Variants in H1-4 observed in about 807,000 individuals in gnomAD.
H1-4 encodes H1.4 linker histone, cluster member.
H1-4 carries 9 observed loss-of-function variants against 7.2 expected under a neutral mutation model. The ratio of observed to expected loss-of-function variants is 1.25; its 90% CI spans 0.75 to 2.18. The LOEUF is 2.18. Ranked by LOEUF, H1-4 falls within the 30% of genes most tolerant of loss-of-function variation. The probability of loss-of-function intolerance (pLI) is 0.00; values close to 1 mark genes in which losing one functional copy is unlikely to be tolerated. For missense variants in H1-4, 646 were observed against 287.9 expected (o/e 2.24, Z -9.00); for synonymous variants, 318 against 126.6 (o/e 2.51, Z -10.15).
rs765164128 is a variant in H1-4 at position 26,156,417 on chromosome 6, C to G, written c.27C>G (p.Pro9=). 2 of 1,591,516 alleles carry G rather than the reference C, an allele frequency of 1.3e-6. No individual in the cohort carries two copies. Among genetic ancestry groups the G allele is most frequent in the Non-Finnish European group, 8.6e-7 (1 of 1,168,576 alleles). The change falls in exon 1 of 1, where the codon CCC becomes CCG. Residue 9 remains proline, a synonymous_variant. Coordinates refer to ENST00000304218, the MANE Select transcript of H1-4 (RefSeq NM_005321.3). ...TGTCCGAGACTGCGCCTGCCGCGCC[C>G]GCTGCTCCGGCCCCTGCCGAGAAGA... The part of the protein sequence containing the change: MSETAPAA[P]AAPAPAEKTP...
At position 26,156,438 on chromosome 6, in the gene H1-4, G is replaced by C; in HGVS notation, c.48G>C (p.Glu16Asp). 1.2e-6 allele frequency: 2 copies of C among 1,608,686 alleles called. No homozygotes were observed. The highest frequency in any genetic ancestry group is 1.7e-4 in the Middle Eastern group (1 of 6,006). ...CGCCCGCTGCTCCGGCCCCTGCCGAGAAGACTCCCGTGAAGAAGAAGGCCC... is the reference window on the plus strand; with the variant it reads ...CGCCCGCTGCTCCGGCCCCTGCCGACAAGACTCCCGTGAAGAAGAAGGCCC... Reference protein sequence around the residue: ...PAAPAAPAPAEKTPVKKKARK... With the variant: ...PAAPAAPAPADKTPVKKKARK... Residue 16 changes from glutamate (E) to aspartate (D), a missense_variant, in exon 1 of 1, where the codon GAG becomes GAC. Glu to Asp is a conservative substitution (Grantham distance 45). Coordinates refer to ENST00000304218, the MANE Select transcript of H1-4 (RefSeq NM_005321.3).
Position 26,156,991 on chromosome 6 carries a change from C to T in H1-4, c.601C>T (p.Pro201Ser). ...AGCAGTTAAACCCAAGGCGGCTAAACCAAAGACCGCCAAGCCCAAGGCAGC... is the reference window on the plus strand; with the variant it reads ...AGCAGTTAAACCCAAGGCGGCTAAATCAAAGACCGCCAAGCCCAAGGCAGC... ...AKAVKPKAAK[P>S]KTAKPKAAKP... The change falls in exon 1 of 1, where the codon CCA (proline) becomes TCA (serine). Residue 201 changes from proline (P) to serine (S), a missense_variant. Physicochemically the swap from Pro to Ser is moderately conservative, Grantham distance 74 (BLOSUM62 -1). Coordinates refer to ENST00000304218, the MANE Select transcript of H1-4 (RefSeq NM_005321.3). 6 of 1,604,416 alleles carry T rather than the reference C, an allele frequency of 3.7e-6. No individual in the cohort carries two copies. Among genetic ancestry groups the T allele is most frequent in the Non-Finnish European group, 5.1e-6 (6 of 1,177,806 alleles).
Position 26,157,099 on chromosome 6 carries a change from C to T in H1-4, c.*49C>T. 6.5e-7 allele frequency: 1 copy of T among 1,548,020 alleles called. No homozygotes were observed. The highest frequency in any genetic ancestry group is 1.3e-5 in the South Asian group (1 of 79,334). The stretch of plus-strand genomic sequence containing the variant: ...AGAAGCCCAACACAACCCAAAGGCT[C>T]TTTTCAGAGCCACCCACCGCTCTCA... On this transcript the variant is annotated 3_prime_UTR_variant, in exon 1 of 1. Coordinates refer to ENST00000304218, the MANE Select transcript of H1-4 (RefSeq NM_005321.3).
chr6:26,156,457 A>G lies in H1-4; in HGVS notation c.67A>G (p.Lys23Glu), dbSNP rs745358897. 24 of 1,612,090 alleles carry G rather than the reference A, an allele frequency of 1.5e-5. No individual in the cohort carries two copies. The highest frequency in any genetic ancestry group is 2.2e-5 in the East Asian group (1 of 44,840). Residue 23 changes from lysine to glutamate, a missense_variant, in exon 1 of 1, where the codon AAG becomes GAG. By Grantham distance (56) the Lys-to-Glu change is moderately conservative. Coordinates refer to ENST00000304218, the MANE Select transcript of H1-4 (RefSeq NM_005321.3). ...APAEKTPVKK[K>E]ARKSAGAAKR... ...TGCCGAGAAGACTCCCGTGAAGAAGAAGGCCCGCAAGTCTGCAGGTGCGGC... is the reference window on the plus strand; with the variant it reads ...TGCCGAGAAGACTCCCGTGAAGAAGGAGGCCCGCAAGTCTGCAGGTGCGGC...
chr6:26,156,746 A>G lies in H1-4; in HGVS notation c.356A>G (p.Lys119Arg). ...KKAASGEAKP[K>R]AKKAGAAKAK... Reference sequence around the variant, plus strand: ...GCGGCCTCTGGGGAAGCCAAGCCTAAGGCTAAAAAGGCAGGCGCGGCCAAG... The same window carrying G: ...GCGGCCTCTGGGGAAGCCAAGCCTAGGGCTAAAAAGGCAGGCGCGGCCAAG... Residue 119 changes from lysine to arginine, a missense_variant, in exon 1 of 1, where the codon AAG (lysine) becomes AGG (arginine). Lys to Arg is a conservative substitution (Grantham distance 26). Coordinates refer to ENST00000304218, the MANE Select transcript of H1-4 (RefSeq NM_005321.3). 6.2e-7 allele frequency: 1 copy of G among 1,613,976 alleles called. No individual in the cohort carries two copies. Among genetic ancestry groups the G allele is most frequent in the Non-Finnish European group, 8.5e-7 (1 of 1,179,948 alleles).
At position 26,156,969 on chromosome 6, in the gene H1-4, A is replaced by C; in HGVS notation, c.579A>C (p.Ala193=). 7 of 1,612,046 alleles carry C rather than the reference A, an allele frequency of 4.3e-6. No individual in the cohort carries two copies. Among genetic ancestry groups the C allele is most frequent in the Non-Finnish European group, 5.9e-6 (7 of 1,179,778 alleles). ...CCAAGAGCCCAGCGAAGGCCAAAGC[A>C]GTTAAACCCAAGGCGGCTAAACCAA... ...KAPKSPAKAK[A]VKPKAAKPKT... The change falls in exon 1 of 1, where the codon GCA becomes GCC. Residue 193 remains alanine (A), a synonymous_variant. Transcript: ENST00000304218.
chr6:26,157,019 A>G lies in H1-4; in HGVS notation c.629A>G (p.Lys210Arg). 3.8e-6 allele frequency: 6 copies of G among 1,585,090 alleles called. No homozygotes were observed. The highest frequency in any genetic ancestry group is 2.2e-5 in the East Asian group (1 of 44,806). ...KPKTAKPKAA[K>R]PKKAAAKKK ...AAGACCGCCAAGCCCAAGGCAGCCA[A>G]GCCAAAGAAGGCGGCAGCCAAGAAA... The change falls in exon 1 of 1, where the codon AAG (lysine) becomes AGG (arginine). Residue 210 changes from lysine (K) to arginine (R), a missense_variant. Transcript: ENST00000304218.
rs1332633285 is a variant in H1-4 at position 26,156,697 on chromosome 6, G to A, written c.307G>A (p.Gly103Ser). The stretch of plus-strand genomic sequence containing the variant: ...GCAGACCAAGGGCACCGGCGCGTCG[G>A]GTTCCTTCAAACTCAACAAGAAGGC... The part of the protein sequence containing the change: ...LVQTKGTGAS[G>S]SFKLNKKAAS... The change falls in exon 1 of 1, where the codon GGT (glycine) becomes AGT (serine). Residue 103 changes from glycine (G) to serine (S), a missense_variant. Physicochemically the swap from Gly to Ser is moderately conservative, Grantham distance 56. Transcript: ENST00000304218. The A allele has an allele frequency of 6.2e-7, 1 of 1,614,118 alleles. No homozygotes were observed. Among genetic ancestry groups the A allele is most frequent in the Non-Finnish European group, 8.5e-7 (1 of 1,180,050 alleles).
In H1-4 at chr6:26,156,378, G is replaced by T. The variant is rs374382666; in HGVS notation, c.-13G>T. ...TCCGGCTCGAATTGCTCTCGCTCAC[G>T]CTTGCCTTCAACATGTCCGAGACTG... On this transcript the variant is annotated 5_prime_UTR_variant, in exon 1 of 1. Transcript: ENST00000304218. The T allele has an allele frequency of 2.6e-6, 4 of 1,545,570 alleles. No individual in the cohort carries two copies. Among genetic ancestry groups the T allele is most frequent in the East Asian group, 2.3e-5 (1 of 44,246 alleles).
Position 26,157,074 on chromosome 6 carries a change from A to AG in H1-4, c.*25dup. 6.4e-7 allele frequency: 1 copy of AG among 1,572,330 alleles called. No individual in the cohort carries two copies. The highest frequency in any genetic ancestry group is 8.6e-7 in the Non-Finnish European group (1 of 1,168,508). On this transcript the variant is annotated 3_prime_UTR_variant, in exon 1 of 1. Transcript: ENST00000304218. ...AGAAAGTTCCTTTGGCCAACTGCTTAGAAGCCCAACACAACCCAAAGGCTC... is the reference window on the plus strand; with the variant it reads ...AGAAAGTTCCTTTGGCCAACTGCTTAGGAAGCCCAACACAACCCAAAGGCTC...
chr6:26,156,887 G>C lies in H1-4; in HGVS notation c.497G>C (p.Gly166Ala), dbSNP rs140003217. 2.3e-5 allele frequency: 37 copies of C among 1,609,254 alleles called. No individual in the cohort carries two copies. Among genetic ancestry groups the C allele is most frequent in the Non-Finnish European group, 2.5e-5 (30 of 1,178,520 alleles). ...GCGAAGAAGCCGGCTGCAGCTGCTG[G>C]AGCCAAAAAAGCGAAAAGCCCGAAA... ...KKAKKPAAAA[G>A]AKKAKSPKKA... is the part of the protein sequence containing the mutation. Residue 166 changes from glycine (G) to alanine (A), a missense_variant, in exon 1 of 1, where the codon GGA becomes GCA. Coordinates refer to ENST00000304218, the MANE Select transcript of H1-4 (RefSeq NM_005321.3).
chr6:26,156,933 A>C lies in H1-4; in HGVS notation c.543A>C (p.Pro181=), dbSNP rs778470167. ...CGAAAAAGGCGAAAGCAGCCAAGCC[A>C]AAAAAGGCGCCCAAGAGCCCAGCGA... ...KSPKKAKAAK[P]KKAPKSPAKA... The change falls in exon 1 of 1, where the codon CCA becomes CCC. Residue 181 remains proline, a synonymous_variant. Transcript: ENST00000304218. 5.0e-6 allele frequency: 8 copies of C among 1,611,340 alleles called. No homozygotes were observed. Among genetic ancestry groups the C allele is most frequent in the South Asian group, 3.3e-5 (3 of 90,920 alleles).
Position 26,156,500 on chromosome 6 carries a change from G to A in H1-4, c.110G>A (p.Gly37Glu), listed in dbSNP as rs1764173360. The A allele has an allele frequency of 1.9e-6, 3 of 1,613,578 alleles. No individual in the cohort carries two copies. Among genetic ancestry groups the A allele is most frequent in the Non-Finnish European group, 1.7e-6 (2 of 1,179,976 alleles). ...GGTGCGGCCAAGCGCAAAGCGTCTG[G>A]GCCCCCGGTGTCCGAGCTCATTACT... ...SAGAAKRKAS[G>E]PPVSELITKA... is the part of the protein sequence containing the mutation. Residue 37 changes from glycine (G) to glutamate (E), a missense_variant, in exon 1 of 1, where the codon GGG becomes GAG. Transcript: ENST00000304218.
rs1764205611 is a variant in H1-4, at chr6:26,156,977, C to G, written c.587C>G (p.Pro196Arg). 12 of 1,610,328 alleles carry G rather than the reference C, an allele frequency of 7.5e-6. No individual in the cohort carries two copies. The highest frequency in any genetic ancestry group is 1.7e-5 in the Admixed American group (1 of 59,066). Residue 196 changes from proline to arginine, a missense_variant, in exon 1 of 1, where the codon CCC (proline) becomes CGC (arginine). Pro to Arg is a moderately radical substitution (Grantham distance 103). Transcript: ENST00000304218. ...KSPAKAKAVK[P>R]KAAKPKTAKP... ...CCAGCGAAGGCCAAAGCAGTTAAAC[C>G]CAAGGCGGCTAAACCAAAGACCGCC...
Position 26,156,519 on chromosome 6 carries a change from CATT to C in H1-4, c.131_133del (p.Ile44del). ...CGTCTGGGCCCCCGGTGTCCGAGCT[CATT>C]ACTAAAGCTGTTGCCGCCTCCAAGG... is the stretch of plus-strand genomic sequence containing the variant. On this transcript the variant is annotated inframe_deletion, in exon 1 of 1. Transcript: ENST00000304218. 1 of 1,613,990 alleles carries C rather than the reference CATT, an allele frequency of 6.2e-7. No homozygotes were observed. The highest frequency in any genetic ancestry group is 8.5e-7 in the Non-Finnish European group (1 of 1,179,990).
At position 26,156,361 on chromosome 6, in the gene H1-4, G is replaced by A. The variant is rs769000080; in HGVS notation, c.-30G>A. 47 of 1,520,490 alleles carry A rather than the reference G, an allele frequency of 3.1e-5. No homozygotes were observed. Among genetic ancestry groups the A allele is most frequent in the Non-Finnish European group, 3.9e-5 (44 of 1,139,510 alleles). The allele number at this position is 1,520,490 out of a possible 1,614,324, so 94.2% of individuals were successfully genotyped here. A position where few individuals can be genotyped will look rare whatever the true frequency, so the allele number is the denominator to read the frequency against. On this transcript the variant is annotated 5_prime_UTR_variant, in exon 1 of 1. Transcript: ENST00000304218. ...CGGCCAGTGCCTCTGCTTCCGGCTC[G>A]AATTGCTCTCGCTCACGCTTGCCTT...
At position 26,156,486 on chromosome 6, in the gene H1-4, G is replaced by C; in HGVS notation, c.96G>C (p.Lys32Asn). 6.2e-7 allele frequency: 1 copy of C among 1,613,610 alleles called. No individual in the cohort carries two copies. The highest frequency in any genetic ancestry group is 8.5e-7 in the Non-Finnish European group (1 of 1,179,962). Reference protein sequence around the residue: ...KKARKSAGAAKRKASGPPVSE... With the variant: ...KKARKSAGAANRKASGPPVSE... ...CCCGCAAGTCTGCAGGTGCGGCCAA[G>C]CGCAAAGCGTCTGGGCCCCCGGTGT... The change falls in exon 1 of 1, where the codon AAG (lysine) becomes AAC (asparagine). Residue 32 changes from lysine to asparagine, a missense_variant. Transcript: ENST00000304218.
chr6:26,156,753 A>AT lies in H1-4; in HGVS notation c.363_364insT (p.Lys122Ter). ...CTGGGGAAGCCAAGCCTAAGGCTAAAAAGGCAGGCGCGGCCAAGGCCAAGA... is the reference window on the plus strand; with the variant it reads ...CTGGGGAAGCCAAGCCTAAGGCTAAATAAGGCAGGCGCGGCCAAGGCCAAGA... On this transcript the variant is annotated frameshift_variant, in exon 1 of 1. Transcript: ENST00000304218. LOFTEE classifies it high-confidence loss of function. 1 of 1,613,848 alleles carries AT rather than the reference A, an allele frequency of 6.2e-7. No individual in the cohort carries two copies. Among genetic ancestry groups the AT allele is most frequent in the Non-Finnish European group, 8.5e-7 (1 of 1,179,906 alleles).
In H1-4 at chr6:26,156,749, C is replaced by G. The variant is rs770582429; in HGVS notation, c.359C>G (p.Ala120Gly). The G allele has an allele frequency of 1.2e-6, 2 of 1,613,788 alleles. No homozygotes were observed. The highest frequency in any genetic ancestry group is 1.7e-6 in the Non-Finnish European group (2 of 1,179,946). ...KAASGEAKPK[A>G]KKAGAAKAKK... is the part of the protein sequence containing the mutation. ...GCCTCTGGGGAAGCCAAGCCTAAGGCTAAAAAGGCAGGCGCGGCCAAGGCC... is the reference window on the plus strand; with the variant it reads ...GCCTCTGGGGAAGCCAAGCCTAAGGGTAAAAAGGCAGGCGCGGCCAAGGCC... Residue 120 changes from alanine (A) to glycine (G), a missense_variant, in exon 1 of 1, where the codon GCT becomes GGT. Coordinates refer to ENST00000304218, the MANE Select transcript of H1-4 (RefSeq NM_005321.3).
Sources: gnomAD v4.1 joint callset for allele counts on GRCh38, gnomAD v4.1.1 for gene constraint, MANE v1.5 for transcripts, NCBI Gene and HGNC (gene_info 2026-07-23, HGNC 2026-07-21) for gene names.